DLGAP2: variants seen among roughly 807,000 people sequenced by gnomAD.
The protein encoded by DLGAP2 is disks large-associated protein 2.
DLGAP2 carries 26 observed loss-of-function variants against 100.3 expected under a neutral mutation model. That is an observed-to-expected ratio of 0.26 (90% CI 0.19 to 0.36). DLGAP2 has a LOEUF of 0.36. Ranked by LOEUF, DLGAP2 falls within the 10% of genes least tolerant of loss-of-function variation. The pLI, the probability that DLGAP2 is intolerant of heterozygous loss-of-function variation, is 1.00. For synonymous variants in DLGAP2, 886 were observed against 630.1 expected, an observed-to-expected ratio of 1.41 and a Z score of -6.08; for missense variants, 1,858 against 1,453.2, an observed-to-expected ratio of 1.28 and a Z score of -4.53.
At chr8:1,315,201 A>G (rs1017445586) in intron 3 of DLGAP2, among the ~76,000 whole-genome samples, 4 of 152,262 alleles carry the variant, frequency 2.6e-5, no homozygotes, top group African/African-American at 9.6e-5. Context: ...GAAACTCGGC[A>G]GCTTTTAAAA....
chr8:1,142,622 G>A (rs1227598320), intron 2 of DLGAP2, among the ~76,000 whole-genome samples: 1 of 152,240 alleles, frequency 6.6e-6, no homozygotes, highest in African/African-American at 2.4e-5. Context: ...GGAGTCACAG[G>A]GTTTTGGGAA....
chr8:1,288,616 G>T (rs1245559302), intron 3 of DLGAP2, among the ~76,000 whole-genome samples: 1 of 145,610 alleles, frequency 6.9e-6, no homozygotes, highest in East Asian at 2.1e-4. Context: ...GTGGTAGGAG[G>T]GGAACTAGTT....
chr8:1,333,640 C>T (rs1045417295), intron 3 of DLGAP2, among the ~76,000 whole-genome samples: 2 of 152,208 alleles, frequency 1.3e-5, no homozygotes, highest in African/African-American at 4.8e-5. Context: ...GAGAAAGGCA[C>T]TCGGAGGTAA....
At chr8:761,883 C>T (rs932229775) in intron 1 of DLGAP2, among the ~76,000 whole-genome samples, 3 of 152,180 alleles carry the variant, frequency 2.0e-5, no homozygotes, top group Admixed American at 6.5e-5. Context: ...GATGGGGAAA[C>T]GTTGGCCTCA....
At chr8:1,224,425 T>C (rs1798375258) in intron 2 of DLGAP2, among the ~76,000 whole-genome samples, 1 of 152,240 alleles carries the variant, frequency 6.6e-6, no homozygotes, top group South Asian at 2.1e-4. Context: ...TTAATACATA[T>C]TTATGTACAA....
intron 2 of DLGAP2, among the ~76,000 whole-genome samples, chr8:952,281 T>C (rs1799499939): frequency 6.6e-6 from 1 of 152,240 alleles, no homozygotes; most frequent in Non-Finnish European, 1.5e-5. Context: ...CTCTTGATGC[T>C]ATTACTAAGG....
intron 8 of DLGAP2, among the ~76,000 whole-genome samples, chr8:1,667,310 G>A (rs755502382): frequency 1.3e-5 from 2 of 152,164 alleles, no homozygotes. Context: ...ATTTAATACA[G>A]TCATCATCTC....
At chr8:791,969 C>T (rs1229416357) in intron 1 of DLGAP2, among the ~76,000 whole-genome samples, 2 of 152,188 alleles carry the variant, frequency 1.3e-5, no homozygotes, top group South Asian at 2.1e-4. Context: ...TACATAATCA[C>T]GGTGCAGCTG....
intron 3 of DLGAP2, among the ~76,000 whole-genome samples, chr8:1,457,418 T>C (rs1003482708): frequency 1.3e-5 from 2 of 152,178 alleles, no homozygotes; most frequent in African/African-American, 2.4e-5. Context: ...GTAAGAAATT[T>C]ACTGAGAAAT....
chr8:1,228,919 T>C (rs1798477495), intron 2 of DLGAP2, among the ~76,000 whole-genome samples: 2 of 152,150 alleles, frequency 1.3e-5, no homozygotes, highest in Admixed American at 6.5e-5. Flanking sequence ...GTACTGGAGG[T>C]TCTAGGCAGG....
chr8:1,197,454 A>C (rs1797776271), intron 2 of DLGAP2, among the ~76,000 whole-genome samples: 1 of 152,246 alleles, frequency 6.6e-6, no homozygotes, highest in Non-Finnish European at 1.5e-5. Flanking sequence ...GCTACTTCAT[A>C]GCCCAGGGTC....
chr8:1,021,633 C>G (rs1169217476), intron 2 of DLGAP2, among the ~76,000 whole-genome samples: 1 of 152,178 alleles, frequency 6.6e-6, no homozygotes, highest in Non-Finnish European at 1.5e-5. Context: ...AGATAATTCA[C>G]TAAGTTAATA....
intron 3 of DLGAP2, among the ~76,000 whole-genome samples, chr8:1,294,477 C>G (rs1014136509): frequency 1.6e-4 from 24 of 152,148 alleles, no homozygotes; most frequent in Admixed American, 1.6e-3. Flanking sequence ...TTCTCACCGT[C>G]ACGTTCTAAG....
intron 3 of DLGAP2, among the ~76,000 whole-genome samples, chr8:1,439,797 C>T (rs1277149960): frequency 6.6e-6 from 1 of 152,148 alleles, no homozygotes; most frequent in Non-Finnish European, 1.5e-5. Flanking sequence ...GCCACGTGTG[C>T]ACACAGGGCC....
At chr8:1,364,857 C>G (rs983933658) in intron 3 of DLGAP2, among the ~76,000 whole-genome samples, 1 of 152,196 alleles carries the variant, frequency 6.6e-6, no homozygotes, top group African/African-American at 2.4e-5. Context: ...GCTGATCAGC[C>G]TTTTCCAGAG....
At chr8:1,294,795 G>C (rs10283369) in intron 3 of DLGAP2, among the ~76,000 whole-genome samples, 1 of 151,568 alleles carries the variant, frequency 6.6e-6, no homozygotes, top group Non-Finnish European at 1.5e-5. Context: ...CTTGAGCCTC[G>C]GAGGTGCAGG....
chr8:1,619,936 C>T (rs1231710235), intron 6 of DLGAP2: 1 of 152,216 alleles, frequency 6.6e-6, no homozygotes, highest in Non-Finnish European at 1.5e-5. Context: ...TTGGCCTCAG[C>T]ATAGCGTTTC....
intron 1 of DLGAP2, among the ~76,000 whole-genome samples, chr8:744,504 C>T (rs983813040): frequency 2.4e-4 from 37 of 152,078 alleles, no homozygotes; most frequent in Non-Finnish European, 4.1e-4. Context: ...GTCGCCCTCC[C>T]GGGGTGCTGG....
At chr8:1,075,952 G>C (rs1231209277) in intron 2 of DLGAP2, among the ~76,000 whole-genome samples, 1 of 152,118 alleles carries the variant, frequency 6.6e-6, no homozygotes, top group African/African-American at 2.4e-5. Context: ...ATCACAGGAT[G>C]GTCTGGGCCT....
Sources: allele counts gnomAD v4.1 joint callset (sites outside exome capture counted in the v4.1 genomes callset), GRCh38; gene constraint gnomAD v4.1.1; transcripts MANE v1.5; gene names NCBI Gene and HGNC (gene_info 2026-07-23, HGNC 2026-07-21).